ABCA7: variants seen among roughly 807,000 people sequenced by gnomAD.
ABCA7 encodes the protein ATP binding cassette subfamily A member 7, also known as phospholipid-transporting ATPase ABCA7.
Under a neutral mutation model 227.6 loss-of-function variants are expected in ABCA7, and 261 were observed. That is an observed-to-expected ratio of 1.15 (90% CI 1.04 to 1.27). The LOEUF is 1.27. ABCA7 is among the 50% of genes most tolerant of loss of function. The probability of loss-of-function intolerance (pLI) is 0.00; values close to 1 mark genes in which losing one functional copy is unlikely to be tolerated. For synonymous variants in ABCA7, 1,488 were observed against 1,279.7 expected, an observed-to-expected ratio of 1.16 and a Z score of -3.47; for missense variants, 3,331 against 2,924.5, an observed-to-expected ratio of 1.14 and a Z score of -3.21.
chr19:1,050,621 T>C (rs2041489210), intron 18 of ABCA7, among the ~76,000 whole-genome samples: 2 of 145,566 alleles, frequency 1.4e-5, no homozygotes, highest in African/African-American at 5.1e-5. Flanking sequence ...CTACTAAAAA[T>C]GCAAAAAAAT....
rs189159140 is a variant in ABCA7 at position 1,061,426 on chromosome 19, G to A, written c.5464-356G>A. 1.3e-3 allele frequency among the ~76,000 whole-genome samples: 194 copies of A among 147,378 alleles called. 1 individual carries two copies. Among genetic ancestry groups the A allele is most frequent in the African/African-American group, 4.8e-3 (184 of 38,602 alleles). On this transcript the variant is annotated intron_variant, in intron 40 of 46. Transcript: ENST00000263094. ...AAAAAAAAAAAAGAGGCTGGGTGCC[G>A]TGGCTCACGCCTGTAATCCCAGCAC...
rs1156331414 is a variant in ABCA7 at position 1,046,480 on chromosome 19, G to A, written c.1622+74G>A. On this transcript the variant is annotated intron_variant, in intron 13 of 46. Transcript: ENST00000263094. ...GGGTGTGGGGGTGGGCCCAGGCTCT[G>A]TTGGGAACCTTCCTGCGGTCCAGGC... 8 of 1,499,120 alleles carry A rather than the reference G, an allele frequency of 5.3e-6. No homozygotes were observed. The East Asian group carries it at 1.8e-4, about 34-fold the overall frequency. The allele number at this position is 1,499,120 out of a possible 1,614,324, so 92.9% of individuals were successfully genotyped here.
chr19:1,053,772 C>G lies in ABCA7; in HGVS notation c.3424-16C>G. ...CTGTCGGTGTCCAGTCTCTGAGCCC[C>G]TGCTTGTCTCCCCAGATCTTCCTGA... On this transcript the variant is annotated splice_polypyrimidine_tract_variant and intron_variant, in intron 24 of 46. Coordinates refer to ENST00000263094, the MANE Select transcript of ABCA7 (RefSeq NM_019112.4). 1 of 1,609,084 alleles carries G rather than the reference C, an allele frequency of 6.2e-7. No individual in the cohort carries two copies. The highest frequency in any genetic ancestry group is 1.7e-5 in the Admixed American group (1 of 59,624).
In ABCA7 at chr19:1,043,376, C is replaced by T. The variant is rs769748741; in HGVS notation, c.833C>T (p.Pro278Leu). The part of the protein sequence containing the change: ...SELIGALDSH[P>L]LSRLLWRRLK... The stretch of plus-strand genomic sequence containing the variant: ...CTGATTGGAGCCCTGGACAGCCACC[C>T]GCTGTCCCGCCTGCTCTGGAGACGC... The change falls in exon 9 of 47, where the codon CCG becomes CTG. Residue 278 changes from proline to leucine, a missense_variant. Coordinates refer to ENST00000263094, the MANE Select transcript of ABCA7 (RefSeq NM_019112.4). 12 of 1,613,064 alleles carry T rather than the reference C, an allele frequency of 7.4e-6. No individual in the cohort carries two copies. Among genetic ancestry groups the T allele is most frequent in the African/African-American group, 5.3e-5 (4 of 74,924 alleles).
Position 1,065,444 on chromosome 19 carries a change from G to C in ABCA7, c.*19G>C. On this transcript the variant is annotated 3_prime_UTR_variant, in exon 47 of 47. Coordinates refer to ENST00000263094, the MANE Select transcript of ABCA7 (RefSeq NM_019112.4). ...GCTCTGAGCCTCCCTCCCCTGCGGGGCCGCGGGGAGGCCCTGGGAATGGCA... is the reference window on the plus strand; with the variant it reads ...GCTCTGAGCCTCCCTCCCCTGCGGGCCCGCGGGGAGGCCCTGGGAATGGCA... The C allele has an allele frequency of 6.2e-7, 1 of 1,611,858 alleles. No homozygotes were observed. The highest frequency in any genetic ancestry group is 8.5e-7 in the Non-Finnish European group (1 of 1,179,070).
Position 1,056,903 on chromosome 19 carries a change from C to T in ABCA7, c.4587-4C>T. 6.2e-6 allele frequency: 10 copies of T among 1,612,564 alleles called. No individual in the cohort carries two copies. The highest frequency in any genetic ancestry group is 1.3e-5 in the African/African-American group (1 of 75,064). The stretch of plus-strand genomic sequence containing the variant: ...TACAACAGCTCTCATGTCTTCACCT[C>T]CAGGATGGCCTCCTCGGTGGACGTC... On this transcript the variant is annotated splice_region_variant and splice_polypyrimidine_tract_variant and intron_variant, in intron 33 of 46. Transcript: ENST00000263094. The surrounding 1 kb of genome is among the most constrained non-coding windows in gnomAD (Gnocchi z 4.3).
In ABCA7 at chr19:1,054,356, C is replaced by T. The variant is rs775679115; in HGVS notation, c.3726+15C>T. 2.5e-6 allele frequency: 4 copies of T among 1,583,204 alleles called. No homozygotes were observed. In the Middle Eastern group the frequency reaches 5.9e-4, roughly 234 times the overall value. On this transcript the variant is annotated intron_variant, in intron 27 of 46. Transcript: ENST00000263094. The surrounding 1 kb of genome is among the most constrained non-coding windows in gnomAD (Gnocchi z 4.8). The stretch of plus-strand genomic sequence containing the variant: ...TGTTCGCCCAGGTGAGGAGGGCTAG[C>T]ACCAGGGAGTCGCATGGGAGTCCCT...
At chr19:1,064,826 A>G in intron 45 of ABCA7, 105 bp from the exon 46 acceptor site, 2 of 1,424,456 alleles carry the variant, frequency 1.4e-6, no homozygotes, top group Non-Finnish European at 9.2e-7. Flanking sequence ...TCGCTAGGGT[A>G]GTACAAGTAT....
In ABCA7 at chr19:1,056,602, C is replaced by T. The variant is rs945636864; in HGVS notation, c.4586+103C>T. On this transcript the variant is annotated intron_variant, in intron 33 of 46. Coordinates refer to ENST00000263094, the MANE Select transcript of ABCA7 (RefSeq NM_019112.4). This position sits in a 1 kb window ranked among gnomAD's most constrained non-coding sequence, Gnocchi z 4.3. ...AGCTGGATTTGAACCCTGACACACT[C>T]TTGCTTTATAAATGGGGGATAGAAA... is the stretch of plus-strand genomic sequence containing the variant. 1.5e-5 allele frequency: 20 copies of T among 1,376,518 alleles called. No individual in the cohort carries two copies. The highest frequency in any genetic ancestry group is 2.0e-5 in the Non-Finnish European group (20 of 1,017,058). 85.3% of individuals were successfully genotyped at this position (1,376,518 alleles called of 1,614,324 possible). A position where few individuals can be genotyped will look rare whatever the true frequency, so the allele number is the denominator to read the frequency against.
In ABCA7 at chr19:1,059,019, C is replaced by T; in HGVS notation, c.5401-4C>T. ...ACCTTTCTGAAAGACCTGCACTCTC[C>T]CAGGTATACCGTGGGCAGAGGATGC... On this transcript the variant is annotated splice_region_variant and splice_polypyrimidine_tract_variant and intron_variant, in intron 39 of 46. Coordinates refer to ENST00000263094, the MANE Select transcript of ABCA7 (RefSeq NM_019112.4). The T allele has an allele frequency of 1.2e-6, 2 of 1,613,894 alleles. No homozygotes were observed. Among genetic ancestry groups the T allele is most frequent in the Non-Finnish European group, 1.7e-6 (2 of 1,179,994 alleles).
At chr19:1,055,463 G>A in intron 30 of ABCA7, 112 bp downstream of exon 30, 2 of 1,326,684 alleles carry the variant, frequency 1.5e-6, no homozygotes, top group South Asian at 1.6e-5. Context: ...CCAGCTTGGG[G>A]CTACGGGCTG....
Position 1,051,241 on chromosome 19 carries a change from T to C in ABCA7, c.2771T>C (p.Leu924Pro). 1 of 1,610,210 alleles carries C rather than the reference T, an allele frequency of 6.2e-7. No homozygotes were observed. Among genetic ancestry groups the C allele is most frequent in the African/African-American group, 1.3e-5 (1 of 75,050 alleles). The part of the protein sequence containing the change: ...AVVGPEQDRL[L>P]QDVGLVSKQS... ...GTGGGCCCCGAGCAGGACCGTCTGC[T>C]GCAGGATGTGGGGCTGGTCTCCAAG... is the stretch of plus-strand genomic sequence containing the variant. Residue 924 changes from leucine (L) to proline (P), a missense_variant, in exon 20 of 47, where the codon CTG (leucine) becomes CCG (proline). Physicochemically the swap from Leu to Pro is moderately conservative, Grantham distance 98. Transcript: ENST00000263094.
intron 6 of ABCA7, 143 bp downstream of exon 6, chr19:1,042,540 C>T (rs757598160): frequency 9.7e-5 from 112 of 1,156,904 alleles, no homozygotes; most frequent in Non-Finnish European, 6.3e-6. Flanking sequence ...GCTTGTCCGT[C>T]TGGGCCCCCA....
chr19:1,045,460 G>C, intron 12 of ABCA7: 1 of 575,854 alleles, frequency 1.7e-6, no homozygotes, highest in South Asian at 2.1e-5. Context: ...TAAGATGAGA[G>C]CAGGTATAGG....
chr19:1,051,608 C>T (rs1025093167), intron 21 of ABCA7, 22 bp downstream of exon 21: 5 of 1,598,754 alleles, frequency 3.1e-6, no homozygotes, highest in Non-Finnish European at 4.3e-6. Context: ...GGATTCTGCT[C>T]GAGGGGCCAG....
At position 1,050,905 on chromosome 19, in the gene ABCA7, A is replaced by G. The variant is rs758269858; in HGVS notation, c.2553-16A>G. The G allele has an allele frequency of 1.5e-5, 23 of 1,573,186 alleles. No individual in the cohort carries two copies. The South Asian group carries it at 2.5e-4, about 17-fold the overall frequency. ...ACTCTGTGAAGGGGGCTACTCTGAG[A>G]CCCCTCTATCCACAGGTCCATCTTG... On this transcript the variant is annotated splice_polypyrimidine_tract_variant and intron_variant, in intron 18 of 46. Coordinates refer to ENST00000263094, the MANE Select transcript of ABCA7 (RefSeq NM_019112.4).
intron 24 of ABCA7, 85 bp downstream of exon 24, chr19:1,053,616 T>C: frequency 6.6e-7 from 1 of 1,525,046 alleles, no homozygotes. Flanking sequence ...ATAGCGTGTT[T>C]ATGAGCAGCA....
rs2040414944 is a variant in ABCA7 at position 1,044,592 on chromosome 19, C to T, written c.1063C>T (p.Gln355Ter). The T allele has an allele frequency of 6.2e-7, 1 of 1,612,100 alleles. No homozygotes were observed. The highest frequency in any genetic ancestry group is 1.3e-5 in the African/African-American group (1 of 75,048). ...VAMLQRLLQMQDEGRRQPRPG... is the reference protein window; with the variant it reads ...VAMLQRLLQM ...CGCCCCCCAGCGGCTCCTGCAGATG[C>T]AGGATGAAGGAAGAAGGCAGCCCAG... is the stretch of plus-strand genomic sequence containing the variant. The change falls in exon 11 of 47, where the codon CAG becomes TAG. Residue 355 changes from glutamine to a stop codon, truncating the protein, a stop_gained. Transcript: ENST00000263094. LOFTEE classifies it high-confidence loss of function.
chr19:1,041,468 GCC>G, intron 2 of ABCA7, 40 bp from the exon 3 acceptor site: 1 of 1,613,638 alleles, frequency 6.2e-7, no homozygotes, highest in East Asian at 2.2e-5. Context: ...TGGGCAGGCA[GCC>G]CCCACTGTCC....
Sources: gnomAD v4.1 joint callset for allele counts (sites outside exome capture counted in the v4.1 genomes callset) on GRCh38, gnomAD v4.1.1 for gene constraint, Gnocchi (gnomAD v3.1) non-coding constraint, MANE v1.5 for transcripts, NCBI Gene and HGNC (gene_info 2026-07-23, HGNC 2026-07-21) for gene names.